The following AEN variants were observed in gnomAD, a reference collection of about 807,000 sequenced individuals.
AEN encodes the protein apoptosis-enhancing nuclease.
Under a neutral mutation model 17.7 loss-of-function variants are expected in AEN, and 21 were observed. That is an observed-to-expected ratio of 1.19 (90% CI 0.84 to 1.71). The LOEUF is 1.71. Ranked by LOEUF, AEN falls within the 40% of genes most tolerant of loss-of-function variation. The pLI, the probability that AEN is intolerant of heterozygous loss-of-function variation, is 0.00. For synonymous variants in AEN, 190 were observed against 173.0 expected (o/e 1.10, Z -0.77); for missense variants, 462 against 435.9 (o/e 1.06, Z -0.53).
upstream of AEN, among the ~76,000 whole-genome samples, chr15:88,616,718 T>C (rs2057741687): frequency 6.6e-6 from 1 of 152,258 alleles, no homozygotes; most frequent in Non-Finnish European, 1.5e-5. Context: ...GCAAAAGCAA[T>C]ACACATTTAG....
Position 88,626,612 on chromosome 15 carries a change from G to A in AEN, c.403G>A (p.Val135Met). The A allele has an allele frequency of 6.2e-7, 1 of 1,614,110 alleles. No homozygotes were observed. The highest frequency in any genetic ancestry group is 8.5e-7 in the Non-Finnish European group (1 of 1,180,022). Residue 135 changes from valine (V) to methionine (M), a missense_variant, in exon 2 of 4, where the codon GTG (valine) becomes ATG (methionine). Transcript: ENST00000332810. ...RVSELARCSIVSYHGNVLYDK... is the reference protein window; with the variant it reads ...RVSELARCSIMSYHGNVLYDK... ...AAGCGAGCTGGCCCGCTGTTCCATTGTGAGCTACCATGGCAATGTCCTCTA... is the reference window on the plus strand; with the variant it reads ...AAGCGAGCTGGCCCGCTGTTCCATTATGAGCTACCATGGCAATGTCCTCTA...
chr15:88,615,430 G>T, the AEN span, among the ~76,000 whole-genome samples: 6 of 152,116 alleles, frequency 3.9e-5, no homozygotes, highest in Non-Finnish European at 7.3e-5. Flanking sequence ...CTGTGTCCTG[G>T]TAGGTCCAAA....
At chr15:88,611,792 G>C in the AEN span, 204 of 467,022 alleles carry the variant, frequency 4.4e-4, 1 homozygote, top group African/African-American at 3.3e-3. Flanking sequence ...GCGAGGGGAG[G>C]GGGGTGGTCC....
At chr15:88,616,601 T>C (rs1400214942), upstream of AEN, among the ~76,000 whole-genome samples, 4 of 152,226 alleles carry the variant, frequency 2.6e-5, no homozygotes, top group Non-Finnish European at 2.9e-5. Flanking sequence ...ACTGAATACC[T>C]GGGACATCAA....
chr15:88,610,786 C>T, the AEN span, among the ~76,000 whole-genome samples: 1 of 152,200 alleles, frequency 6.6e-6, no homozygotes, highest in Non-Finnish European at 1.5e-5. Flanking sequence ...AATTATCCTT[C>T]AGTTGCTGCA....
chr15:88,622,204 C>T (rs1342169946), intron 1 of AEN, among the ~76,000 whole-genome samples: 1 of 152,028 alleles, frequency 6.6e-6, no homozygotes, highest in Non-Finnish European at 1.5e-5. Context: ...GCCAGACCCC[C>T]TCCCTGCCTG....
At chr15:88,605,348 C>T in the AEN span, among the ~76,000 whole-genome samples, 2 of 152,232 alleles carry the variant, frequency 1.3e-5, no homozygotes, top group African/African-American at 4.8e-5. The surrounding 1 kb of genome is among the most constrained non-coding windows in gnomAD (Gnocchi z 7.6). Context: ...CCGCCGTCGC[C>T]CCTCCTCCCG....
chr15:88,606,358 C>G, the AEN span, among the ~76,000 whole-genome samples: 1 of 152,078 alleles, frequency 6.6e-6, no homozygotes, highest in East Asian at 1.9e-4. Flanking sequence ...ATCTAGGTCT[C>G]AAAACTCAAG....
chr15:88,607,795 C>G, the AEN span, among the ~76,000 whole-genome samples: 1 of 152,010 alleles, frequency 6.6e-6, no homozygotes, highest in Non-Finnish European at 1.5e-5. Context: ...TTTAAAAGGT[C>G]AAAAATTCGC....
chr15:88,631,875 C>T lies in AEN; in HGVS notation c.*1581C>T, dbSNP rs1158336311. The T allele has an allele frequency of 6.6e-6, 1 of 152,426 alleles. No individual in the cohort carries two copies. The highest frequency in any genetic ancestry group is 2.4e-5 in the African/African-American group (1 of 41,458). The allele number at this position is 152,426 out of a possible 1,614,324, so 9.4% of individuals were successfully genotyped here. ...TGGCCACCAGGCACAGGTTTGGCTT[C>T]CGGTCAGTGTCCCGACACTGTGCGG... On this transcript the variant is annotated 3_prime_UTR_variant, in exon 4 of 4. Transcript: ENST00000332810.
the AEN span, chr15:88,605,193 TGTG>T: frequency 1.3e-5 from 2 of 152,244 alleles, no homozygotes; most frequent in Non-Finnish European, 2.9e-5. The surrounding 1 kb of genome is among the most constrained non-coding windows in gnomAD (Gnocchi z 7.6). Context: ...AGGCTAGAGG[TGTG>T]GGGGCGTCTG....
At position 88,626,188 on chromosome 15, in the gene AEN, C is replaced by T. The variant is rs760048338; in HGVS notation, c.-22C>T. On this transcript the variant is annotated 5_prime_UTR_variant, in exon 2 of 4. Coordinates refer to ENST00000332810, the MANE Select transcript of AEN (RefSeq NM_022767.4). ...AGATTACTCCCCAGGCTTCCCTTGC[C>T]CCAAGCAGTGAGCTGACTGGAATGG... is the stretch of plus-strand genomic sequence containing the variant. 5.2e-6 allele frequency: 8 copies of T among 1,549,896 alleles called. No individual in the cohort carries two copies. The African/African-American group carries it at 9.6e-5, about 19-fold the overall frequency.
the AEN span, chr15:88,611,923 C>T: frequency 2.0e-6 from 1 of 501,458 alleles, no homozygotes; most frequent in Non-Finnish European, 4.1e-6. Flanking sequence ...CCTAATGGTG[C>T]CAGCCATCGC....
At chr15:88,627,781 T>C (rs894673526) in intron 2 of AEN, 1 of 152,240 alleles carries the variant, frequency 6.6e-6, no homozygotes, top group Non-Finnish European at 1.5e-5. Context: ...CATTCAGTGT[T>C]TCTCAAGGAT....
rs547003902 is a variant in AEN at position 88,622,655 on chromosome 15, C to A, written c.-65+1273C>A. ...AACAGAACAAGAGATTTCACAGTGTCCTTCTATACAATGTCTGAAATCTAT... is the reference window on the plus strand; with the variant it reads ...AACAGAACAAGAGATTTCACAGTGTACTTCTATACAATGTCTGAAATCTAT... On this transcript the variant is annotated intron_variant, in intron 1 of 3. Coordinates refer to ENST00000332810, the MANE Select transcript of AEN (RefSeq NM_022767.4). Among the ~76,000 whole-genome samples the A allele has an allele frequency of 4.6e-5, 7 of 152,248 alleles. No homozygotes were observed. The East Asian group carries it at 5.8e-4, about 13-fold the overall frequency.
chr15:88,630,442 C>A lies in AEN; in HGVS notation c.*148C>A. 1 of 675,284 alleles carries A rather than the reference C, an allele frequency of 1.5e-6. No individual in the cohort carries two copies. Among genetic ancestry groups the A allele is most frequent in the Non-Finnish European group, 2.6e-6 (1 of 388,730 alleles). 41.8% of individuals were successfully genotyped at this position (675,284 alleles called of 1,614,324 possible). A position where few individuals can be genotyped will look rare whatever the true frequency, so the allele number is the denominator to read the frequency against. ...CAGAGGAGTAGGGGTCATCTGTTAC[C>A]TTGACACCCTCTGCACACAGCATAG... On this transcript the variant is annotated 3_prime_UTR_variant, in exon 4 of 4. Transcript: ENST00000332810. The surrounding 1 kb of genome is among the most constrained non-coding windows in gnomAD (Gnocchi z 5.1).
At chr15:88,612,426 T>C in the AEN span, among the ~76,000 whole-genome samples, 1 of 152,070 alleles carries the variant, frequency 6.6e-6, no homozygotes, top group Non-Finnish European at 1.5e-5. Context: ...CTTGTGTGTA[T>C]GGAATTTCTT....
the AEN span, among the ~76,000 whole-genome samples, chr15:88,614,886 G>GTTGTT: frequency 2.7e-4 from 41 of 151,432 alleles, no homozygotes; most frequent in Non-Finnish European, 4.7e-4. Flanking sequence ...TGTTGTTGTT[G>GTTGTT]TTGTTTTGTT....
At chr15:88,613,049 T>A in the AEN span, among the ~76,000 whole-genome samples, 1 of 152,018 alleles carries the variant, frequency 6.6e-6, no homozygotes, top group Non-Finnish European at 1.5e-5. Context: ...ATTCCCACCC[T>A]CCTCCATCCA....
Sources: allele counts gnomAD v4.1 joint callset (sites outside exome capture counted in the v4.1 genomes callset), GRCh38; gene constraint gnomAD v4.1.1; non-coding constraint Gnocchi (gnomAD v3.1); transcripts MANE v1.5; gene names NCBI Gene and HGNC (gene_info 2026-07-23, HGNC 2026-07-21).